Variants in GNL2 observed in about 807,000 individuals in gnomAD.
GNL2 encodes the protein G protein nucleolar 2.
In GNL2, 51 loss-of-function variants were observed where a neutral mutation model predicts 92.3. The ratio of observed to expected loss-of-function variants is 0.55; its 90% CI spans 0.44 to 0.70. The LOEUF (loss-of-function observed/expected upper bound fraction) is 0.70, where lower values mean the gene tolerates loss of function less well. Ranked by LOEUF, GNL2 falls within the 30% of genes least tolerant of loss-of-function variation. The probability of loss-of-function intolerance (pLI) is 0.00; values close to 1 mark genes in which losing one functional copy is unlikely to be tolerated. For synonymous variants in GNL2, 283 were observed against 300.6 expected (o/e 0.94, Z 0.61); for missense variants, 844 against 895.6 (o/e 0.94, Z 0.74).
At chr1:37,569,600 T>TC (rs1413686423) in intron 12 of GNL2, 1 of 296,500 alleles carries the variant, frequency 3.4e-6, no homozygotes, top group Non-Finnish European at 6.3e-6. Context: ...CCCTAGACCT[T>TC]CCCTAGGGGG....
At chr1:37,567,866 G>A in intron 14 of GNL2, 102 bp from the exon 15 acceptor site, 2 of 872,160 alleles carry the variant, frequency 2.3e-6, no homozygotes, top group East Asian at 4.9e-5. Context: ...GACACCCAAT[G>A]TGGACAGAGC....
chr1:37,575,743 A>G lies in GNL2; in HGVS notation c.1039-44T>C. ...CAGAGATGTCCTGTATCAAACACTA[A>G]GAGTCTAATTTCACAAACCCCTGAT... is the stretch of plus-strand genomic sequence containing the variant. On this transcript the variant is annotated intron_variant, in intron 9 of 15. Coordinates refer to ENST00000373062, the MANE Select transcript of GNL2 (RefSeq NM_013285.3). This position sits in a 1 kb window ranked among gnomAD's most constrained non-coding sequence, Gnocchi z 4.1. The G allele has an allele frequency of 8.1e-7, 1 of 1,240,304 alleles. No individual in the cohort carries two copies. Among genetic ancestry groups the G allele is most frequent in the Non-Finnish European group, 1.2e-6 (1 of 864,742 alleles). The allele number at this position is 1,240,304 out of a possible 1,614,324, so 76.8% of individuals were successfully genotyped here. A position where few individuals can be genotyped will look rare whatever the true frequency, so the allele number is the denominator to read the frequency against.
Position 37,582,913 on chromosome 1 carries a change from TACA to T in GNL2, c.657_659del (p.Val221del). ...GATCTCTAGCATCAAGAACTTGAAC[TACA>T]ACATCTGATGAATCTATCACCTGAA... On this transcript the variant is annotated inframe_deletion, in exon 7 of 16. Transcript: ENST00000373062. The T allele has an allele frequency of 6.2e-7, 1 of 1,612,754 alleles. No homozygotes were observed. Among genetic ancestry groups the T allele is most frequent in the Non-Finnish European group, 8.5e-7 (1 of 1,179,164 alleles).
intron 12 of GNL2, chr1:37,570,616 G>A (rs1487238358): frequency 6.6e-6 from 1 of 152,110 alleles, no homozygotes; most frequent in Non-Finnish European, 1.5e-5. Context: ...TTCCACGATG[G>A]GATGACCCTT....
chr1:37,571,324 ACATTTGGGTCAT>A (rs1643590993), intron 12 of GNL2, among the ~76,000 whole-genome samples: 1 of 152,214 alleles, frequency 6.6e-6, no homozygotes, highest in Non-Finnish European at 1.5e-5. Context: ...AGGATTTCTG[ACATTTGGGTCAT>A]AAGACTATGT....
chr1:37,595,716 A>G, intron 1 of GNL2, 43 bp downstream of exon 1: 1 of 1,564,294 alleles, frequency 6.4e-7, no homozygotes, highest in Non-Finnish European at 8.8e-7. Flanking sequence ...CCTTCCCTAT[A>G]CTTCCTCCAA....
At chr1:37,579,420 G>A (rs562049267) in intron 8 of GNL2, among the ~76,000 whole-genome samples, 11 of 152,228 alleles carry the variant, frequency 7.2e-5, no homozygotes, top group South Asian at 4.1e-4. Flanking sequence ...GGTGGCACAT[G>A]CCTGTAATCC....
intron 1 of GNL2, 42 bp downstream of exon 1, chr1:37,595,717 C>A (rs752582596): frequency 1.9e-6 from 3 of 1,574,818 alleles, no homozygotes; most frequent in Non-Finnish European, 2.6e-6. Context: ...CTTCCCTATA[C>A]TTCCTCCAAG....
At chr1:37,579,055 CA>C (rs1188544316) in intron 8 of GNL2, among the ~76,000 whole-genome samples, 1 of 151,746 alleles carries the variant, frequency 6.6e-6, no homozygotes, top group Non-Finnish European at 1.5e-5. Flanking sequence ...GCAGAAAACA[CA>C]AAAAAACCCA....
rs200497443 is a variant in GNL2, at chr1:37,566,920, T to C, written c.2131A>G (p.Lys711Glu). ...THNVKNRNRN[K>E]KKTNDSEGQK... Reference sequence around the variant, plus strand: ...CCCTCTGAGTCATTGGTCTTCTTTTTGTTCCTGTTCCTATTTTTCACGTTG... The same window carrying C: ...CCCTCTGAGTCATTGGTCTTCTTTTCGTTCCTGTTCCTATTTTTCACGTTG... Residue 711 changes from lysine (K) to glutamate (E), a missense_variant, in exon 16 of 16, where the codon AAA (lysine) becomes GAA (glutamate). Coordinates refer to ENST00000373062, the MANE Select transcript of GNL2 (RefSeq NM_013285.3). 1 of 1,614,232 alleles carries C rather than the reference T, an allele frequency of 6.2e-7. No individual in the cohort carries two copies. The highest frequency in any genetic ancestry group is 1.3e-5 in the African/African-American group (1 of 75,070).
Position 37,574,682 on chromosome 1 carries a change from T to A in GNL2, c.1285A>T (p.Thr429Ser). The change falls in exon 11 of 16, where the codon ACT (threonine) becomes TCT (serine). Residue 429 changes from threonine (T) to serine (S), a missense_variant. Transcript: ENST00000373062. ...CGGGTCACCTTTAGTAACTTCCCAG[T>A]CCGGAAAGCGAGCTTCTCAAGAAAG... ...EDFLEKLAFR[T>S]GKLLKGGEPD... The A allele has an allele frequency of 6.2e-7, 1 of 1,613,844 alleles. No homozygotes were observed. Among genetic ancestry groups the A allele is most frequent in the South Asian group, 1.1e-5 (1 of 91,068 alleles).
At chr1:37,578,094 A>C (rs936726050) in intron 8 of GNL2, among the ~76,000 whole-genome samples, 1 of 152,166 alleles carries the variant, frequency 6.6e-6, no homozygotes, top group Non-Finnish European at 1.5e-5. Flanking sequence ...CACAAGCCCA[A>C]GAAAAAAGAC....
intron 8 of GNL2, among the ~76,000 whole-genome samples, chr1:37,578,702 T>C (rs1189546165): frequency 2.6e-5 from 4 of 151,928 alleles, no homozygotes; most frequent in African/African-American, 9.7e-5. Flanking sequence ...GAACCATAAG[T>C]GTGCACCACT....
chr1:37,569,307 TAAG>T lies in GNL2; in HGVS notation c.1417-8_1417-6del. ...CAAAGATGAGGAGGGTAGAAGCTAT[TAAG>T]GGGTGGAAATGGGGGAAATAAATAG... On this transcript the variant is annotated splice_region_variant and splice_polypyrimidine_tract_variant and intron_variant, in intron 12 of 15. Coordinates refer to ENST00000373062, the MANE Select transcript of GNL2 (RefSeq NM_013285.3). 1 of 1,577,210 alleles carries T rather than the reference TAAG, an allele frequency of 6.3e-7. No individual in the cohort carries two copies. Among genetic ancestry groups the T allele is most frequent in the Non-Finnish European group, 8.6e-7 (1 of 1,157,158 alleles).
At chr1:37,576,580 C>G (rs1182906815) in intron 8 of GNL2, 24 bp from the exon 9 acceptor site, 1 of 1,609,318 alleles carries the variant, frequency 6.2e-7, no homozygotes, top group African/African-American at 1.3e-5. Context: ...GAATACACAG[C>G]ACATACATGC....
chr1:37,569,312 G>A lies in GNL2; in HGVS notation c.1417-10C>T, dbSNP rs1026015894. 6.5e-7 allele frequency: 1 copy of A among 1,535,064 alleles called. No homozygotes were observed. The highest frequency in any genetic ancestry group is 2.3e-5 in the East Asian group (1 of 44,402). ...ATGAGGAGGGTAGAAGCTATTAAGG[G>A]GTGGAAATGGGGGAAATAAATAGAA... On this transcript the variant is annotated splice_polypyrimidine_tract_variant and intron_variant, in intron 12 of 15. Coordinates refer to ENST00000373062, the MANE Select transcript of GNL2 (RefSeq NM_013285.3).
At position 37,583,900 on chromosome 1, in the gene GNL2, T is replaced by A; in HGVS notation, c.603A>T (p.Gly201=). The part of the protein sequence containing the change: ...NEAQEEIYKK[G]QSKRIWGELY... ...GCTCACCCCATATTCTTTTGGACTG[T>A]CCCTTTTTATAGATCTCTTCTTGAG... The change falls in exon 6 of 16, where the codon GGA becomes GGT. Residue 201 remains glycine (G), a synonymous_variant. Coordinates refer to ENST00000373062, the MANE Select transcript of GNL2 (RefSeq NM_013285.3). 6.3e-7 allele frequency: 1 copy of A among 1,589,232 alleles called. No homozygotes were observed. Among genetic ancestry groups the A allele is most frequent in the South Asian group, 1.1e-5 (1 of 90,678 alleles).
intron 8 of GNL2, among the ~76,000 whole-genome samples, chr1:37,577,730 G>C (rs1225665772): frequency 6.6e-6 from 1 of 152,112 alleles, no homozygotes; most frequent in Admixed American, 6.6e-5. Flanking sequence ...TCTTAAGATA[G>C]GGCTGAAAAC....
chr1:37,578,371 G>A (rs1400181866), intron 8 of GNL2, among the ~76,000 whole-genome samples: 5 of 151,482 alleles, frequency 3.3e-5, no homozygotes, highest in African/African-American at 4.9e-5. Flanking sequence ...CCCAGGAGGC[G>A]GAGATTGCAG....
Sources: allele counts gnomAD v4.1 joint callset (sites outside exome capture counted in the v4.1 genomes callset), GRCh38; gene constraint gnomAD v4.1.1; non-coding constraint Gnocchi (gnomAD v3.1); transcripts MANE v1.5; gene names NCBI Gene and HGNC (gene_info 2026-07-23, HGNC 2026-07-21).